Variants in MYBPC2 observed in about 807,000 individuals in gnomAD.
MYBPC2 encodes the protein myosin binding protein C2.
Under a neutral mutation model 137.0 loss-of-function variants are expected in MYBPC2, and 122 were observed. That is an observed-to-expected ratio of 0.89 (90% CI 0.77 to 1.03). MYBPC2 has a LOEUF of 1.03. MYBPC2 is among the 50% of genes least tolerant of loss of function. The probability of loss-of-function intolerance (pLI) is 0.00; values close to 1 mark genes in which losing one functional copy is unlikely to be tolerated. For missense variants in MYBPC2, 1,500 were observed against 1,534.4 expected (o/e 0.98, Z 0.37); for synonymous variants, 626 against 612.3 (o/e 1.02, Z -0.33).
intron 24 of MYBPC2, 100 bp from the exon 25 acceptor site, chr19:50,461,442 T>C: frequency 1.6e-6 from 2 of 1,268,892 alleles, no homozygotes; most frequent in African/African-American, 1.5e-5. Context: ...TTTTAAACAC[T>C]GGATGTGCTT....
chr19:50,464,631 C>A, intron 27 of MYBPC2, 99 bp downstream of exon 27: 2 of 1,296,640 alleles, frequency 1.5e-6, no homozygotes, highest in Non-Finnish European at 2.1e-6. Context: ...GATCTGGAGA[C>A]GAGTGAGACC....
chr19:50,452,508 G>GTATCTATCTATCTATCTATCTATCTATC (rs59342187), intron 16 of MYBPC2, among the ~76,000 whole-genome samples: 30 of 114,748 alleles, frequency 2.6e-4, no homozygotes, highest in African/African-American at 4.8e-4. Flanking sequence ...ATGTATGTAT[G>GTATCTATCTATCTATCTATCTATCTATC]TATCTATCTA....
At chr19:50,456,170 T>TATCCATCCATCC (rs536173459) in intron 20 of MYBPC2, among the ~76,000 whole-genome samples, 1 of 141,166 alleles carries the variant, frequency 7.1e-6, no homozygotes, top group Non-Finnish European at 1.5e-5. Context: ...TATTTCCATC[T>TATCCATCCATCC]ATCCATCCAT....
intron 1 of MYBPC2, among the ~76,000 whole-genome samples, chr19:50,433,629 A>T (rs565554193): frequency 2.0e-5 from 3 of 151,992 alleles, no homozygotes; most frequent in East Asian, 3.9e-4. Context: ...CCCCAACCTC[A>T]GGTGATCCAC....
At chr19:50,437,137 G>A (rs887383669) in intron 5 of MYBPC2, among the ~76,000 whole-genome samples, 2 of 152,068 alleles carry the variant, frequency 1.3e-5, no homozygotes, top group African/African-American at 4.8e-5. Flanking sequence ...GGCCCCTGAG[G>A]GTGTATGGGC....
In MYBPC2 at chr19:50,455,610, C is replaced by A; in HGVS notation, c.2304C>A (p.Ile768=). ...RPPNRIGAGG[I]DGYLVEYCLE... is the part of the protein sequence containing the mutation. The stretch of plus-strand genomic sequence containing the variant: ...CGAACAGGATCGGGGCAGGTGGCAT[C>A]GATGGGTACCTGGTGGAGTACTGCC... Residue 768 remains isoleucine (I), a synonymous_variant, in exon 20 of 28, where the codon ATC becomes ATA. Coordinates refer to ENST00000357701, the MANE Select transcript of MYBPC2 (RefSeq NM_004533.4). 6.2e-7 allele frequency: 1 copy of A among 1,613,954 alleles called. No individual in the cohort carries two copies. Among genetic ancestry groups the A allele is most frequent in the Non-Finnish European group, 8.5e-7 (1 of 1,179,890 alleles).
chr19:50,435,260 T>C lies in MYBPC2; in HGVS notation c.109+10T>C. 8.6e-7 allele frequency: 1 copy of C among 1,161,252 alleles called. No individual in the cohort carries two copies. The highest frequency in any genetic ancestry group is 1.3e-6 in the Non-Finnish European group (1 of 783,872). The allele number at this position is 1,161,252 out of a possible 1,614,324, so 71.9% of individuals were successfully genotyped here. Reference sequence around the variant, plus strand: ...GCAGAGGCCCCCAAAGGTGAGGAGGTGCTCCCTCGGGCTCAACCGACCTGG... The same window carrying C: ...GCAGAGGCCCCCAAAGGTGAGGAGGCGCTCCCTCGGGCTCAACCGACCTGG... On this transcript the variant is annotated intron_variant, in intron 2 of 27. Coordinates refer to ENST00000357701, the MANE Select transcript of MYBPC2 (RefSeq NM_004533.4). This position sits in a 1 kb window ranked among gnomAD's most constrained non-coding sequence, Gnocchi z 4.8.
chr19:50,443,277 C>T (rs1038528544), intron 9 of MYBPC2, among the ~76,000 whole-genome samples: 1 of 151,966 alleles, frequency 6.6e-6, no homozygotes, highest in Non-Finnish European at 1.5e-5. Flanking sequence ...GAGCTGTGAT[C>T]GCACCACTGC....
chr19:50,444,290 T>TCATCCATCCATCCATCCATC (rs66680495), intron 11 of MYBPC2, among the ~76,000 whole-genome samples: 1 of 117,804 alleles, frequency 8.5e-6, no homozygotes, highest in African/African-American at 2.7e-5. Flanking sequence ...GTCCATCCAT[T>TCATCCATCCATCCATCCATC]CATCCATCCA....
intron 7 of MYBPC2, among the ~76,000 whole-genome samples, chr19:50,439,310 G>A (rs931886981): frequency 1.4e-5 from 2 of 142,594 alleles, no homozygotes; most frequent in Non-Finnish European, 3.0e-5. Flanking sequence ...CAACTCATCT[G>A]CCTCTCTTCC....
chr19:50,448,738 G>A (rs979065460), intron 13 of MYBPC2, among the ~76,000 whole-genome samples: 33 of 151,130 alleles, frequency 2.2e-4, no homozygotes, highest in Admixed American at 1.8e-3. Context: ...GGGATTACAG[G>A]TATGAGCCAC....
intron 26 of MYBPC2, among the ~76,000 whole-genome samples, chr19:50,462,769 G>A (rs1253835210): frequency 1.3e-5 from 2 of 151,808 alleles, no homozygotes; most frequent in Non-Finnish European, 2.9e-5. Flanking sequence ...TAGAGACGGC[G>A]TTTTGCTGAC....
In MYBPC2 at chr19:50,458,925, C is replaced by T. The variant is rs535047433; in HGVS notation, c.2514C>T (p.Pro838=). The T allele has an allele frequency of 1.9e-6, 3 of 1,611,624 alleles. No homozygotes were observed. In the East Asian group the frequency reaches 6.7e-5, roughly 36 times the overall value. Residue 838 remains proline (P), a synonymous_variant, in exon 22 of 28, where the codon CCC becomes CCT. Transcript: ENST00000357701. ...PVTIREIAEP[P]KIRLPRHLRQ... ...CTGTGTTTGCGCCCTCAGAGCCACC[C>T]AAGATCCGGCTTCCCCGCCATCTCC...
intron 11 of MYBPC2, among the ~76,000 whole-genome samples, chr19:50,444,438 TCCA>T (rs1179393201): frequency 2.0e-5 from 3 of 152,162 alleles, no homozygotes; most frequent in Non-Finnish European, 4.4e-5. Context: ...GATCTATCCA[TCCA>T]CTCACTCACT....
intron 20 of MYBPC2, 37 bp downstream of exon 20, chr19:50,455,681 T>C: frequency 1.2e-6 from 2 of 1,608,402 alleles, no homozygotes; most frequent in Non-Finnish European, 1.7e-6. Context: ...GGGTGGTGGC[T>C]AGCACAGGTG....
rs570057512 is a variant in MYBPC2 at position 50,449,014 on chromosome 19, A to G, written c.1472+624A>G. Among the ~76,000 whole-genome samples, 430 of 151,812 alleles carry G rather than the reference A, an allele frequency of 2.8e-3. 3 individuals are homozygous for G. Among genetic ancestry groups the G allele is most frequent in the African/African-American group, 9.9e-3 (410 of 41,408 alleles). On this transcript the variant is annotated intron_variant, in intron 13 of 27. Coordinates refer to ENST00000357701, the MANE Select transcript of MYBPC2 (RefSeq NM_004533.4). ...CAAAGTGCTGGGATTACAGGTGTGA[A>G]CCACCGCACCTGTCCTGTCCCCAAA...
chr19:50,435,668 C>T lies in MYBPC2; in HGVS notation c.110-108C>T. On this transcript the variant is annotated intron_variant, in intron 2 of 27. Transcript: ENST00000357701. This position sits in a 1 kb window ranked among gnomAD's most constrained non-coding sequence, Gnocchi z 4.8. ...ATTTAACCCCCATGATGTTTGGTTT[C>T]TGAGTAGAGGGGCCCTCACTGTCTC... 1.1e-6 allele frequency: 1 copy of T among 915,956 alleles called. No individual in the cohort carries two copies. Among genetic ancestry groups the T allele is most frequent in the South Asian group, 1.8e-5 (1 of 55,108 alleles). The allele number at this position is 915,956 out of a possible 1,614,324, so 56.7% of individuals were successfully genotyped here.
At chr19:50,456,888 C>T (rs187419036) in intron 20 of MYBPC2, among the ~76,000 whole-genome samples, 17 of 152,320 alleles carry the variant, frequency 1.1e-4, no homozygotes, top group African/African-American at 4.1e-4. Context: ...CATACATCCA[C>T]TCTCCATCCT....
Position 50,432,946 on chromosome 19 carries a change from C to A in MYBPC2, c.-8C>A, listed in dbSNP as rs1251408991. The A allele has an allele frequency of 6.2e-7, 1 of 1,606,330 alleles. No individual in the cohort carries two copies. The highest frequency in any genetic ancestry group is 8.5e-7 in the Non-Finnish European group (1 of 1,177,598). On this transcript the variant is annotated 5_prime_UTR_variant, in exon 1 of 28. Coordinates refer to ENST00000357701, the MANE Select transcript of MYBPC2 (RefSeq NM_004533.4). This position sits in a 1 kb window ranked among gnomAD's most constrained non-coding sequence, Gnocchi z 5.5. ...TGCGGTCAGAGGAGCAGGAGGAGGTCCCCCGACATGCCTGAGGCAAAACCA... is the reference window on the plus strand; with the variant it reads ...TGCGGTCAGAGGAGCAGGAGGAGGTACCCCGACATGCCTGAGGCAAAACCA...
Sources: gnomAD v4.1 joint callset for allele counts (sites outside exome capture counted in the v4.1 genomes callset) on GRCh38, gnomAD v4.1.1 for gene constraint, Gnocchi (gnomAD v3.1) non-coding constraint, MANE v1.5 for transcripts, NCBI Gene and HGNC (gene_info 2026-07-23, HGNC 2026-07-21) for gene names.